Variants in IL1RAPL1 observed in about 807,000 individuals in gnomAD.
IL1RAPL1 encodes the protein interleukin-1 receptor accessory protein-like 1.
IL1RAPL1 carries 3 observed loss-of-function variants against 48.4 expected under a neutral mutation model. The observed-to-expected ratio is 0.06, with a 90% confidence interval of 0.03 to 0.16. The LOEUF (loss-of-function observed/expected upper bound fraction) is 0.16, where lower values mean the gene tolerates loss of function less well. Ranked by LOEUF, IL1RAPL1 falls within the 10% of genes least tolerant of loss-of-function variation. The pLI is 1.00. For synonymous variants in IL1RAPL1, 185 were observed against 187.7 expected, an observed-to-expected ratio of 0.99 and a Z score of 0.12; for missense variants, 349 against 530.6, an observed-to-expected ratio of 0.66 and a Z score of 3.36.
At chrX:29,498,486 G>C (rs1476679391) in intron 5 of IL1RAPL1, among the ~76,000 whole-genome samples, 1 of 107,509 alleles carries the variant, frequency 9.3e-6, no homozygotes, top group Non-Finnish European at 1.9e-5. Flanking sequence ...GATTCCTTAC[G>C]CTTAGTCCTC....
At chrX:28,639,700 C>G (rs1056739540) in intron 1 of IL1RAPL1, among the ~76,000 whole-genome samples, 5 of 111,785 alleles carry the variant, frequency 4.5e-5, no homozygotes, top group Non-Finnish European at 7.5e-5. Context: ...AGAAGCCAAG[C>G]AAGGGTTCAA....
intron 5 of IL1RAPL1, among the ~76,000 whole-genome samples, chrX:29,618,880 C>A (rs1264516711): frequency 9.0e-6 from 1 of 111,479 alleles, no homozygotes; most frequent in African/African-American, 3.3e-5. Flanking sequence ...AATCTAACTC[C>A]TTTAGTCTAT....
chrX:29,196,584 C>T (rs1352454746), intron 2 of IL1RAPL1, among the ~76,000 whole-genome samples: 2 of 111,095 alleles, frequency 1.8e-5, no homozygotes, highest in Non-Finnish European at 3.8e-5. Context: ...TGGTTGAAGG[C>T]CTCTTGTTAA....
At chrX:29,592,157 C>G (rs1274897337) in intron 5 of IL1RAPL1, among the ~76,000 whole-genome samples, 1 of 111,574 alleles carries the variant, frequency 9.0e-6, no homozygotes, top group Admixed American at 9.5e-5. Flanking sequence ...GGGTACATCA[C>G]GTGGGACAGA....
intron 5 of IL1RAPL1, among the ~76,000 whole-genome samples, chrX:29,445,306 G>C (rs1934599812): frequency 8.9e-6 from 1 of 112,171 alleles, no homozygotes; most frequent in African/African-American, 3.2e-5. Context: ...CCTTGGTTCT[G>C]AAAGGCTTAA....
chrX:29,745,301 C>G (rs980769189), intron 6 of IL1RAPL1, among the ~76,000 whole-genome samples: 10 of 110,267 alleles, frequency 9.1e-5, no homozygotes, highest in African/African-American at 3.3e-4. Flanking sequence ...TGTGTGACAT[C>G]TGAGAGTAAG....
chrX:29,512,160 A>G (rs1221866016), intron 5 of IL1RAPL1, among the ~76,000 whole-genome samples: 1 of 110,675 alleles, frequency 9.0e-6, no homozygotes, highest in Non-Finnish European at 1.9e-5. Flanking sequence ...CGAGTCTTAC[A>G]TAAATCTGTA....
At chrX:28,674,772 T>G (rs1934981233) in intron 1 of IL1RAPL1, among the ~76,000 whole-genome samples, 1 of 111,821 alleles carries the variant, frequency 8.9e-6, no homozygotes, top group Admixed American at 9.5e-5. Context: ...CTTAGCCCAT[T>G]GTAAAGTTAA....
At chrX:29,419,475 C>T (rs1195757410) in intron 5 of IL1RAPL1, among the ~76,000 whole-genome samples, 2 of 110,343 alleles carry the variant, frequency 1.8e-5, no homozygotes, top group Admixed American at 1.9e-4. Flanking sequence ...TGCCCACCAC[C>T]AGGCCTGGCT....
At chrX:28,668,551 C>T (rs763116668) in intron 1 of IL1RAPL1, among the ~76,000 whole-genome samples, 1 of 113,606 alleles carries the variant, frequency 8.8e-6, no homozygotes, top group South Asian at 3.5e-4. Context: ...AGCCACCGCA[C>T]CCGGCCAAGA....
intron 2 of IL1RAPL1, among the ~76,000 whole-genome samples, chrX:28,795,559 G>A (rs1194768504): frequency 9.0e-6 from 1 of 111,124 alleles, no homozygotes; most frequent in Non-Finnish European, 1.9e-5. Flanking sequence ...ATGAGGAGGA[G>A]AATATTCCAA....
intron 1 of IL1RAPL1, among the ~76,000 whole-genome samples, chrX:28,625,391 T>TGATCAA (rs1184996550): frequency 8.9e-6 from 1 of 112,159 alleles, no homozygotes; most frequent in Non-Finnish European, 1.9e-5. Flanking sequence ...AGCCACCTAC[T>TGATCAA]GGGCCCTTGT....
At chrX:29,722,640 C>T (rs1927666080) in intron 6 of IL1RAPL1, among the ~76,000 whole-genome samples, 2 of 111,562 alleles carry the variant, frequency 1.8e-5, no homozygotes, top group Admixed American at 1.9e-4. Flanking sequence ...TTTTTCAACA[C>T]CACATCAGGA....
chrX:29,051,085 G>C (rs1307042600), intron 2 of IL1RAPL1, among the ~76,000 whole-genome samples: 1 of 111,854 alleles, frequency 8.9e-6, no homozygotes, highest in African/African-American at 3.2e-5. Context: ...TTTTTGGAAG[G>C]TCATATTATG....
intron 1 of IL1RAPL1, among the ~76,000 whole-genome samples, chrX:28,633,459 A>G (rs896302943): frequency 1.8e-5 from 2 of 111,642 alleles, no homozygotes; most frequent in African/African-American, 6.5e-5. Context: ...AATAGTAAAT[A>G]TTGACTTTTT....
chrX:28,687,140 G>A (rs1861954605), intron 1 of IL1RAPL1, among the ~76,000 whole-genome samples: 1 of 111,357 alleles, frequency 9.0e-6, no homozygotes, highest in African/African-American at 3.3e-5. Flanking sequence ...GAACCTCTGT[G>A]TCTGCTTTCC....
rs187994119 is a variant in IL1RAPL1 at position 29,723,935 on chromosome X, C to T, written c.778+55431C>T. Among the ~76,000 whole-genome samples, 9 of 110,920 alleles carry T rather than the reference C, an allele frequency of 8.1e-5. No individual in the cohort carries two copies. The Admixed American group carries it at 8.6e-4, about 11-fold the overall frequency. Reference sequence around the variant, plus strand: ...GTTCAAATGATTCCCCTGCCTCAGTCTCCCAAGTAGCTGGGATTACAGATG... The same window carrying T: ...GTTCAAATGATTCCCCTGCCTCAGTTTCCCAAGTAGCTGGGATTACAGATG... On this transcript the variant is annotated intron_variant, in intron 6 of 10. Coordinates refer to ENST00000378993, the MANE Select transcript of IL1RAPL1 (RefSeq NM_014271.4).
intron 1 of IL1RAPL1, among the ~76,000 whole-genome samples, chrX:28,679,258 A>G (rs935744020): frequency 8.9e-6 from 1 of 112,011 alleles, no homozygotes; most frequent in African/African-American, 3.2e-5. Flanking sequence ...CTTTAGAGAA[A>G]TATCTATTCA....
At chrX:28,754,547 C>A (rs778307547) in intron 1 of IL1RAPL1, among the ~76,000 whole-genome samples, 3 of 112,140 alleles carry the variant, frequency 2.7e-5, no homozygotes, top group Non-Finnish European at 3.8e-5. Context: ...AGTTTGTATT[C>A]TACCATGTCT....
Sources: allele counts gnomAD v4.1 joint callset (sites outside exome capture counted in the v4.1 genomes callset), GRCh38; gene constraint gnomAD v4.1.1; transcripts MANE v1.5; gene names NCBI Gene and HGNC (gene_info 2026-07-23, HGNC 2026-07-21).